VIL1: variants seen among roughly 807,000 people sequenced by gnomAD.
The protein encoded by VIL1 is villin 1.
Under a neutral mutation model 104.0 loss-of-function variants are expected in VIL1, and 86 were observed. That is an observed-to-expected ratio of 0.83 (90% CI 0.69 to 0.99). The LOEUF is 0.99. VIL1 is among the 50% of genes least tolerant of loss of function. The probability of loss-of-function intolerance (pLI) is 0.00; values close to 1 mark genes in which losing one functional copy is unlikely to be tolerated. For synonymous variants in VIL1, 394 were observed against 412.6 expected, an observed-to-expected ratio of 0.95 and a Z score of 0.55; for missense variants, 944 against 1,054.1, an observed-to-expected ratio of 0.90 and a Z score of 1.45.
intron 4 of VIL1, 112 bp downstream of exon 4, chr2:218,425,923 A>C: frequency 2.5e-5 from 29 of 1,155,802 alleles, no homozygotes; most frequent in East Asian, 5.6e-5. Context: ...CCTGGGAAGA[A>C]CACTTGGAGC....
In VIL1 at chr2:218,452,525, T is replaced by C. The variant is rs3755042; in HGVS notation, c.*3189T>C. The C allele has an allele frequency of 0.3, 45,368 of 152,072 alleles. 7,879 individuals carry two copies. Among genetic ancestry groups the C allele is most frequent in the Non-Finnish European group, 0.39 (26,402 of 67,970 alleles). 9.4% of individuals were successfully genotyped at this position (152,072 alleles called of 1,614,324 possible). A position where few individuals can be genotyped will look rare whatever the true frequency, so the allele number is the denominator to read the frequency against. ...GAGAAGGCTGATAGGGCCACAAGAA[T>C]GGACAGACATCAAGTAAAATTTGAG... On this transcript the variant is annotated 3_prime_UTR_variant, in exon 20 of 20. Coordinates refer to ENST00000248444, the MANE Select transcript of VIL1 (RefSeq NM_007127.3).
rs2106394087 is a variant in VIL1, at chr2:218,434,610, A to G, written c.1585A>G (p.Lys529Glu). Residue 529 changes from lysine to glutamate, a missense_variant, in exon 14 of 20, where the codon AAG becomes GAG. Coordinates refer to ENST00000248444, the MANE Select transcript of VIL1 (RefSeq NM_007127.3). ...CCAGGGAACTGGCGCCAACAACACC[A>G]AGGCCTTTGAGGTCCCAGCGCGGGC... ...QVQGTGANNT[K>E]AFEVPARANF... is the part of the protein sequence containing the mutation. 1.3e-5 allele frequency: 21 copies of G among 1,614,106 alleles called. No homozygotes were observed. Among genetic ancestry groups the G allele is most frequent in the Non-Finnish European group, 1.7e-5 (20 of 1,180,006 alleles).
chr2:218,430,258 T>C (rs1301704249), intron 9 of VIL1, among the ~76,000 whole-genome samples: 1 of 151,800 alleles, frequency 6.6e-6, no homozygotes, highest in East Asian at 1.9e-4. Flanking sequence ...GAAGGAGAAA[T>C]GGAGGGAGGC....
Position 218,433,056 on chromosome 2 carries a change from C to G in VIL1, c.1500+105C>G, listed in dbSNP as rs763392083. The G allele has an allele frequency of 6.4e-6, 9 of 1,407,496 alleles. No individual in the cohort carries two copies. The Admixed American group carries it at 7.6e-5, about 12-fold the overall frequency. The allele number at this position is 1,407,496 out of a possible 1,614,324, so 87.2% of individuals were successfully genotyped here. On this transcript the variant is annotated intron_variant, in intron 13 of 19. Coordinates refer to ENST00000248444, the MANE Select transcript of VIL1 (RefSeq NM_007127.3). ...GGTGGGAGCAGGGCTTGAGGTGAAG[C>G]CCATTCTTCATAGGAGACTACCCTG...
rs1050494418 is a variant in VIL1 at position 218,431,206 on chromosome 2, C to A, written c.1102+328C>A. On this transcript the variant is annotated intron_variant, in intron 10 of 19. Coordinates refer to ENST00000248444, the MANE Select transcript of VIL1 (RefSeq NM_007127.3). ...CTGAAAAAAAGAACTAATAAATTAG[C>A]CAAGCATGGTGGTGCATGCCTGTAA... 8.1e-6 allele frequency: 4 copies of A among 492,308 alleles called. No individual in the cohort carries two copies. The East Asian group carries it at 1.4e-4, about 17-fold the overall frequency. 30.5% of individuals were successfully genotyped at this position (492,308 alleles called of 1,614,324 possible). A position where few individuals can be genotyped will look rare whatever the true frequency, so the allele number is the denominator to read the frequency against.
chr2:218,435,732 G>C (rs1053234081), intron 15 of VIL1, among the ~76,000 whole-genome samples: 1 of 152,226 alleles, frequency 6.6e-6, no homozygotes, highest in African/African-American at 2.4e-5. Context: ...CAGGGCTAGA[G>C]GTTTGCCTTT....
chr2:218,447,579 CAA>C (rs553134166), intron 19 of VIL1, among the ~76,000 whole-genome samples: 2 of 152,248 alleles, frequency 1.3e-5, no homozygotes, highest in East Asian at 3.9e-4. Context: ...CTTGGCCTCC[CAA>C]AATACTGGAA....
intron 19 of VIL1, among the ~76,000 whole-genome samples, chr2:218,446,795 G>A (rs1397461690): frequency 8.1e-6 from 1 of 123,504 alleles, no homozygotes; most frequent in African/African-American, 3.4e-5. Flanking sequence ...ACAGAGTCCC[G>A]CTCTGTTGCC....
At position 218,431,887 on chromosome 2, in the gene VIL1, C is replaced by T. The variant is rs1574815272; in HGVS notation, c.1133C>T (p.Thr378Ile). 1 of 1,613,932 alleles carries T rather than the reference C, an allele frequency of 6.2e-7. No individual in the cohort carries two copies. The change falls in exon 11 of 20, where the codon ACA becomes ATA. Residue 378 changes from threonine to isoleucine, a missense_variant. Coordinates refer to ENST00000248444, the MANE Select transcript of VIL1 (RefSeq NM_007127.3). Reference protein sequence around the residue: ...AKVEQVKFDATSMHVKPQVAA... With the variant: ...AKVEQVKFDAISMHVKPQVAA... The stretch of plus-strand genomic sequence containing the variant: ...GTGGAACAGGTGAAGTTCGATGCCA[C>T]ATCCATGCATGTCAAGCCTCAGGTG...
intron 19 of VIL1, among the ~76,000 whole-genome samples, chr2:218,448,611 G>A (rs1429687718): frequency 6.6e-6 from 1 of 151,676 alleles, no homozygotes; most frequent in Middle Eastern, 3.2e-3. Context: ...ACTAAGGCTT[G>A]GAAAGAGGAG....
chr2:218,447,139 A>G (rs1052807609), intron 19 of VIL1, among the ~76,000 whole-genome samples: 3 of 152,180 alleles, frequency 2.0e-5, no homozygotes, highest in Admixed American at 6.5e-5. Flanking sequence ...TCTAAGTGCC[A>G]CAGCAGTATA....
chr2:218,437,841 T>C (rs1689221979), intron 17 of VIL1, among the ~76,000 whole-genome samples: 1 of 152,144 alleles, frequency 6.6e-6, no homozygotes, highest in Non-Finnish European at 1.5e-5. Flanking sequence ...ACGGGGTGTT[T>C]CCTAAACTGG....
rs964177878 is a variant in VIL1, at chr2:218,424,408, G to C, written c.150+57G>C. ...GAGAGCAAAACCCACTGTGGTGTCA[G>C]GGAGGAAACAGGCTGGGGGCCGTGG... is the stretch of plus-strand genomic sequence containing the variant. On this transcript the variant is annotated intron_variant, in intron 3 of 19. Transcript: ENST00000248444. The C allele has an allele frequency of 3.8e-6, 6 of 1,573,882 alleles. No homozygotes were observed. The African/African-American group carries it at 8.1e-5, about 21-fold the overall frequency.
At chr2:218,446,662 A>T (rs1388482333) in intron 19 of VIL1, among the ~76,000 whole-genome samples, 4 of 152,172 alleles carry the variant, frequency 2.6e-5, no homozygotes, top group Non-Finnish European at 4.4e-5. Flanking sequence ...TTGAAAGCTG[A>T]CAAGAGGGCT....
At chr2:218,426,446 G>C (rs1689003906) in intron 4 of VIL1, among the ~76,000 whole-genome samples, 1 of 151,556 alleles carries the variant, frequency 6.6e-6, no homozygotes, top group Admixed American at 6.6e-5. Flanking sequence ...GTAGAGACAG[G>C]GTTTCACCAC....
intron 3 of VIL1, 104 bp downstream of exon 3, chr2:218,424,455 C>T: frequency 1.6e-6 from 2 of 1,248,632 alleles, no homozygotes; most frequent in Non-Finnish European, 2.3e-6. Context: ...CTGGCTTCAC[C>T]CCAAGACACA....
At chr2:218,432,002 T>G in intron 11 of VIL1, 44 bp from the exon 12 acceptor site, 9 of 1,614,008 alleles carry the variant, frequency 5.6e-6, no homozygotes, top group Non-Finnish European at 7.6e-6. Context: ...GCAGGAATGG[T>G]GGAGCCTGTC....
chr2:218,424,161 T>C (rs1361013326), intron 2 of VIL1, 116 bp from the exon 3 acceptor site: 1 of 888,598 alleles, frequency 1.1e-6, no homozygotes. Context: ...TTTTCTCTCC[T>C]TTCATTCCTG....
chr2:218,448,897 T>C (rs1689415646), intron 19 of VIL1, among the ~76,000 whole-genome samples: 1 of 151,572 alleles, frequency 6.6e-6, no homozygotes, highest in Non-Finnish European at 1.5e-5. Context: ...CTCAGCTACT[T>C]GGGAGGCTGA....
Sources: allele counts gnomAD v4.1 joint callset (sites outside exome capture counted in the v4.1 genomes callset), GRCh38; gene constraint gnomAD v4.1.1; transcripts MANE v1.5; gene names NCBI Gene and HGNC (gene_info 2026-07-23, HGNC 2026-07-21).